PREX1: variants seen among roughly 807,000 people sequenced by gnomAD.
PREX1 encodes the protein phosphatidylinositol-3,4,5-trisphosphate dependent Rac exchange factor 1.
Under a neutral mutation model 198.3 loss-of-function variants are expected in PREX1, and 41 were observed. That is an observed-to-expected ratio of 0.21 (90% CI 0.16 to 0.27). PREX1 has a LOEUF of 0.27. Ranked by LOEUF, PREX1 falls within the 10% of genes least tolerant of loss-of-function variation. The pLI is 1.00. For synonymous variants in PREX1, 843 were observed against 887.2 expected, an observed-to-expected ratio of 0.95 and a Z score of 0.89; for missense variants, 1,620 against 2,200.7, an observed-to-expected ratio of 0.74 and a Z score of 5.28.
intron 1 of PREX1, among the ~76,000 whole-genome samples, chr20:48,808,679 C>T (rs1004996764): frequency 6.6e-6 from 1 of 152,214 alleles, no homozygotes; most frequent in African/African-American, 2.4e-5. Context: ...AAAGCAAAGC[C>T]CTTACAATGG....
chr20:48,730,298 C>T (rs1037158337), intron 4 of PREX1, among the ~76,000 whole-genome samples: 10 of 152,088 alleles, frequency 6.6e-5, no homozygotes, highest in South Asian at 2.1e-4. Context: ...AACCCTCCCA[C>T]GGCTTCCCAT....
the PREX1 span, among the ~76,000 whole-genome samples, chr20:48,857,041 G>A: frequency 1.3e-5 from 2 of 152,170 alleles, no homozygotes; most frequent in Non-Finnish European, 2.9e-5. Flanking sequence ...GTTTCACCAT[G>A]TTGGCCAGGC....
intron 8 of PREX1, 143 bp downstream of exon 8, chr20:48,692,529 A>C (rs1339351800): frequency 4.9e-6 from 3 of 618,232 alleles, no homozygotes; most frequent in Non-Finnish European, 8.4e-6. Context: ...TGTTCGCTTC[A>C]TGCATCTATG....
intron 1 of PREX1, among the ~76,000 whole-genome samples, chr20:48,793,776 T>C (rs6019422): frequency 6.2e-4 from 94 of 152,338 alleles, no homozygotes; most frequent in African/African-American, 2.1e-3. Flanking sequence ...TCTGGAGCAT[T>C]ACATGGAAGC....
chr20:48,636,769 C>G, intron 31 of PREX1, 86 bp from the exon 32 acceptor site: 3 of 1,198,696 alleles, frequency 2.5e-6, no homozygotes, highest in South Asian at 1.5e-5. Flanking sequence ...GGTCCAGGAC[C>G]CCTCATGGAA....
chr20:48,629,814 C>G (rs2089299812), intron 36 of PREX1, among the ~76,000 whole-genome samples, 193 bp from the exon 37 acceptor site: 1 of 152,138 alleles, frequency 6.6e-6, no homozygotes, highest in African/African-American at 2.4e-5. Flanking sequence ...TCTGTGGCTC[C>G]CCACTGCCCT....
At chr20:48,650,254 G>T in intron 23 of PREX1, 48 bp from the exon 24 acceptor site, 1 of 1,547,864 alleles carries the variant, frequency 6.5e-7, no homozygotes, top group Non-Finnish European at 8.9e-7. Context: ...GCAGGGTCTG[G>T]AAATATTGGC....
chr20:48,789,485 T>C (rs887641259), intron 1 of PREX1, among the ~76,000 whole-genome samples: 3 of 152,198 alleles, frequency 2.0e-5, no homozygotes, highest in African/African-American at 4.8e-5. Context: ...TAGCAGTGGG[T>C]ATCATTAGTC....
rs368184718 is a variant in PREX1 at position 48,700,762 on chromosome 20, C to T, written c.908G>A (p.Arg303Gln). Reference sequence around the variant, plus strand: ...CCTCCTGGCCACTCACCTGGATTTCCGCTTGCAGTAGACGAGAAGGTTGTC... The same window carrying T: ...CCTCCTGGCCACTCACCTGGATTTCTGCTTGCAGTAGACGAGAAGGTTGTC... ...LFDNLLVYCK[R>Q]KSRVTGSKKS... The change falls in exon 7 of 40, where the codon CGG becomes CAG. Residue 303 changes from arginine to glutamine, a missense_variant. Physicochemically the swap from Arg to Gln is conservative, Grantham distance 43 (BLOSUM62 1). Around this residue, in one of 7 missense-constraint regions of PREX1, gnomAD observed 488 missense variants for 802.5 expected, o/e 0.61. Transcript: ENST00000371941. The T allele has an allele frequency of 3.7e-6, 6 of 1,613,026 alleles. No individual in the cohort carries two copies. The African/African-American group carries it at 6.7e-5, about 18-fold the overall frequency.
chr20:48,722,926 T>C (rs2089992511), intron 5 of PREX1, among the ~76,000 whole-genome samples: 1 of 152,114 alleles, frequency 6.6e-6, no homozygotes, highest in Non-Finnish European at 1.5e-5. Context: ...ACTAAGAAGA[T>C]CAGTGACAGT....
chr20:48,693,332 C>T (rs1287546215), intron 7 of PREX1, among the ~76,000 whole-genome samples: 2 of 152,180 alleles, frequency 1.3e-5, no homozygotes, highest in Non-Finnish European at 2.9e-5. Flanking sequence ...TATATCCTAA[C>T]CCCCAAGGTA....
At chr20:48,834,521 C>T in the PREX1 span, among the ~76,000 whole-genome samples, 2 of 151,986 alleles carry the variant, frequency 1.3e-5, no homozygotes, top group Non-Finnish European at 1.5e-5. Flanking sequence ...CCATTTAAGC[C>T]GCAGCCTGCC....
chr20:48,720,530 G>A (rs2089980518), intron 5 of PREX1, among the ~76,000 whole-genome samples: 1 of 152,126 alleles, frequency 6.6e-6, no homozygotes, highest in Non-Finnish European at 1.5e-5. Flanking sequence ...TAGGAAGACG[G>A]AAAGGGATTT....
chr20:48,726,529 C>T (rs1426915392), intron 4 of PREX1, 138 bp from the exon 5 acceptor site: 9 of 640,288 alleles, frequency 1.4e-5, no homozygotes, highest in Middle Eastern at 4.2e-4. Context: ...GAAGTGAAAA[C>T]GTGCATCATC....
chr20:48,827,957 G>C lies in PREX1; in HGVS notation c.-97C>G. ...CCCGGACGGGGCGCGCCGGCGGGCCGGGCTCAGCGGCGGGCCGGGCTCCCG... is the reference window on the plus strand; with the variant it reads ...CCCGGACGGGGCGCGCCGGCGGGCCCGGCTCAGCGGCGGGCCGGGCTCCCG... On this transcript the variant is annotated 5_prime_UTR_variant, in exon 1 of 40. Transcript: ENST00000371941. The surrounding 1 kb of genome is among the most constrained non-coding windows in gnomAD (Gnocchi z 4.1). 7.7e-6 allele frequency: 3 copies of C among 391,786 alleles called. No individual in the cohort carries two copies. Among genetic ancestry groups the C allele is most frequent in the Non-Finnish European group, 1.0e-5 (3 of 291,144 alleles). 24.3% of individuals were successfully genotyped at this position (391,786 alleles called of 1,614,324 possible). A position where few individuals can be genotyped will look rare whatever the true frequency, so the allele number is the denominator to read the frequency against.
At chr20:48,788,327 T>A (rs955914650) in intron 1 of PREX1, among the ~76,000 whole-genome samples, 1 of 152,176 alleles carries the variant, frequency 6.6e-6, no homozygotes, top group Admixed American at 6.5e-5. Context: ...GAAATCTCAG[T>A]AGCAGAACAC....
chr20:48,745,111 G>T lies in PREX1; in HGVS notation c.328C>A (p.His110Asn). 1 of 1,614,134 alleles carries T rather than the reference G, an allele frequency of 6.2e-7. No homozygotes were observed. The highest frequency in any genetic ancestry group is 8.5e-7 in the Non-Finnish European group (1 of 1,179,990). ...TCCAAGGCGGCCAAGAAATCCTTAT[G>T]AACTTCCAGGATGTCTTCGATGTTC... ...FSNIEDILEV[H>N]KDFLAALEYC... The change falls in exon 3 of 40, where the codon CAT (histidine) becomes AAT (asparagine). Residue 110 changes from histidine to asparagine, a missense_variant. This residue lies in a region of PREX1 where 488 missense variants were observed against 802.5 expected (regional missense o/e 0.61). Transcript: ENST00000371941.
chr20:48,770,407 G>A (rs765403226), intron 1 of PREX1, among the ~76,000 whole-genome samples: 3 of 152,138 alleles, frequency 2.0e-5, no homozygotes, highest in Non-Finnish European at 2.9e-5. Context: ...GCATGACCTT[G>A]ACAAACAGGC....
chr20:48,837,293 C>T, the PREX1 span, among the ~76,000 whole-genome samples: 6 of 152,292 alleles, frequency 3.9e-5, no homozygotes, highest in East Asian at 1.2e-3. Flanking sequence ...AACAGAACTA[C>T]CATTAGACCC....
Sources: gnomAD v4.1 joint callset for allele counts (sites outside exome capture counted in the v4.1 genomes callset) on GRCh38, gnomAD v4.1.1 for gene constraint, gnomAD v4.1.1 regional missense constraint, Gnocchi (gnomAD v3.1) non-coding constraint, MANE v1.5 for transcripts, NCBI Gene and HGNC (gene_info 2026-07-23, HGNC 2026-07-21) for gene names.